Variants in UBE2S observed in about 807,000 individuals in gnomAD.
UBE2S encodes ubiquitin conjugating enzyme E2 S.
Under a neutral mutation model 12.3 loss-of-function variants are expected in UBE2S, and 3 were observed. The ratio of observed to expected loss-of-function variants is 0.24; its 90% confidence interval spans 0.11 to 0.63. UBE2S has a LOEUF of 0.63. Ranked by LOEUF, UBE2S falls within the 30% of genes least tolerant of loss-of-function variation. The pLI, the probability that UBE2S is intolerant of heterozygous loss-of-function variation, is 0.85. For missense variants in UBE2S, 211 were observed against 313.9 expected, an observed-to-expected ratio of 0.67 and a Z score of 2.48; for synonymous variants, 133 against 142.0, an observed-to-expected ratio of 0.94 and a Z score of 0.45.
intron 3 of UBE2S, chr19:55,402,855 C>G: frequency 8.9e-7 from 1 of 1,119,418 alleles, no homozygotes; most frequent in Non-Finnish European, 1.3e-6. Flanking sequence ...CCTCTCCCTC[C>G]CCATGGCAGG....
chr19:55,401,112 A>G lies in UBE2S; in HGVS notation c.*324T>C. ...GGGGTTGTGACCGCTCTACCTCCAC[A>G]GAACAAAGAGGTGGACCCAAACCTC... On this transcript the variant is annotated 3_prime_UTR_variant, in exon 4 of 4. Transcript: ENST00000264552. The G allele has an allele frequency of 2.6e-6, 1 of 389,066 alleles. No homozygotes were observed. Among genetic ancestry groups the G allele is most frequent in the South Asian group, 3.5e-5 (1 of 28,904 alleles). 24.1% of individuals were successfully genotyped at this position (389,066 alleles called of 1,614,324 possible).
In UBE2S at chr19:55,407,644, C is replaced by T; in HGVS notation, c.-55G>A. ...CGGCCCCCTTCCTGCGTTCTTCGGT[C>T]CGCCGGCCGGGGCGGGGGGCCCAAC... On this transcript the variant is annotated 5_prime_UTR_variant, in exon 1 of 4. Coordinates refer to ENST00000264552, the MANE Select transcript of UBE2S (RefSeq NM_014501.3). 5 of 1,302,894 alleles carry T rather than the reference C, an allele frequency of 3.8e-6. No homozygotes were observed. Among genetic ancestry groups the T allele is most frequent in the Non-Finnish European group, 4.9e-6 (5 of 1,022,040 alleles). The allele number at this position is 1,302,894 out of a possible 1,614,324, so 80.7% of individuals were successfully genotyped here.
chr19:55,405,588 C>T (rs541250817), intron 2 of UBE2S, among the ~76,000 whole-genome samples: 32 of 152,224 alleles, frequency 2.1e-4, no homozygotes, highest in Admixed American at 8.5e-4. Context: ...AGAGATGATG[C>T]CCATCTTGCA....
intron 1 of UBE2S, among the ~76,000 whole-genome samples, chr19:55,407,195 A>AC (rs113965331): frequency 0.056 from 6,450 of 115,150 alleles, 185 homozygotes; most frequent in African/African-American, 0.084. Context: ...CCACCCCAGA[A>AC]CCCCCCCCCC....
chr19:55,407,626 C>T lies in UBE2S; in HGVS notation c.-37G>A, dbSNP rs1275326714. ...GCCGGGGGCGGGTCCCCCCGGCCCC[C>T]TTCCTGCGTTCTTCGGTCCGCCGGC... On this transcript the variant is annotated 5_prime_UTR_variant, in exon 1 of 4. Transcript: ENST00000264552. The T allele has an allele frequency of 1.9e-5, 25 of 1,350,632 alleles. No individual in the cohort carries two copies. Among genetic ancestry groups the T allele is most frequent in the Non-Finnish European group, 2.4e-5 (25 of 1,052,500 alleles). The allele number at this position is 1,350,632 out of a possible 1,614,324, so 83.7% of individuals were successfully genotyped here.
In UBE2S at chr19:55,399,759, A is replaced by AT. The variant is rs2090044025; in HGVS notation, c.*1676dup. Reference sequence around the variant, plus strand: ...TCTGTCAGGGCTAAGGGCAAATATTATTTTTATTATGCACTTCGCTAAATT... The same window carrying AT: ...TCTGTCAGGGCTAAGGGCAAATATTATTTTTTATTATGCACTTCGCTAAATT... On this transcript the variant is annotated 3_prime_UTR_variant, in exon 4 of 4. Transcript: ENST00000264552. 1 of 152,142 alleles carries AT rather than the reference A, an allele frequency of 6.6e-6. No individual in the cohort carries two copies. Among genetic ancestry groups the AT allele is most frequent in the African/African-American group, 2.4e-5 (1 of 41,426 alleles). 9.4% of individuals were successfully genotyped at this position (152,142 alleles called of 1,614,324 possible).
chr19:55,407,461 C>T (rs2090103990), intron 1 of UBE2S, 126 bp downstream of exon 1: 1 of 1,091,766 alleles, frequency 9.2e-7, no homozygotes, highest in Non-Finnish European at 1.3e-6. Flanking sequence ...GGGCCCATCC[C>T]GGGTCAGGGA....
At chr19:55,406,985 G>A (rs768457508) in intron 1 of UBE2S, 23 bp from the exon 2 acceptor site, 1 of 1,610,902 alleles carries the variant, frequency 6.2e-7, no homozygotes, top group Non-Finnish European at 8.5e-7. Context: ...GGGAGAGCAG[G>A]GTGAGCGAGT....
rs111366064 is a variant in UBE2S at position 55,405,560 on chromosome 19, G to A, written c.152-1082C>T. ...TGGCTGGGTTCCTAGGGGGCCACAG[G>A]ACCTCCCCCAAAACCTCAGAGATGA... On this transcript the variant is annotated intron_variant, in intron 2 of 3. Coordinates refer to ENST00000264552, the MANE Select transcript of UBE2S (RefSeq NM_014501.3). Among the ~76,000 whole-genome samples, 423 of 151,508 alleles carry A rather than the reference G, an allele frequency of 2.8e-3. 5 individuals are homozygous for A. The highest frequency in any genetic ancestry group is 9.8e-3 in the African/African-American group (406 of 41,374).
chr19:55,403,505 A>C (rs1052412629), intron 3 of UBE2S, among the ~76,000 whole-genome samples: 22 of 123,356 alleles, frequency 1.8e-4, no homozygotes, highest in African/African-American at 8.3e-4. Context: ...AAAGAAAGAA[A>C]GGAAAGAAAG....
intron 2 of UBE2S, among the ~76,000 whole-genome samples, chr19:55,406,355 TCCGCAAATCATGTGAC>T (rs1393380396): frequency 4.6e-5 from 7 of 152,252 alleles, no homozygotes; most frequent in African/African-American, 1.7e-4. Flanking sequence ...TCTAAATCAC[TCCGCAAATCATGTGAC>T]CCGCAAATCA....
Position 55,400,209 on chromosome 19 carries a change from G to C in UBE2S, c.*1227C>G, listed in dbSNP as rs1185473924. On this transcript the variant is annotated 3_prime_UTR_variant, in exon 4 of 4. Transcript: ENST00000264552. ...TTGTAAATGTATTTTACTTTTTGTAGAGATGGGATCTCACTGTGTTGCCCA... is the reference window on the plus strand; with the variant it reads ...TTGTAAATGTATTTTACTTTTTGTACAGATGGGATCTCACTGTGTTGCCCA... 2.0e-5 allele frequency: 3 copies of C among 152,180 alleles called. No homozygotes were observed. Among genetic ancestry groups the C allele is most frequent in the Admixed American group, 1.3e-4 (2 of 15,280 alleles). The allele number at this position is 152,180 out of a possible 1,614,324, so 9.4% of individuals were successfully genotyped here.
rs534989565 is a variant in UBE2S, at chr19:55,405,848, G to A, written c.151+967C>T. On this transcript the variant is annotated intron_variant, in intron 2 of 3. Transcript: ENST00000264552. Reference sequence around the variant, plus strand: ...GGGTCAAAATACTGTCCCTCCCCTAGCCCATCAGCAGCCTGAGCACCGGCC... The same window carrying A: ...GGGTCAAAATACTGTCCCTCCCCTAACCCATCAGCAGCCTGAGCACCGGCC... 3.9e-5 allele frequency among the ~76,000 whole-genome samples: 6 copies of A among 152,186 alleles called. No homozygotes were observed. The East Asian group carries it at 1.2e-3, about 29-fold the overall frequency.
At chr19:55,403,142 TG>T in intron 3 of UBE2S, 1 of 749,710 alleles carries the variant, frequency 1.3e-6, no homozygotes, top group East Asian at 2.7e-5. Flanking sequence ...CAACCCTTTC[TG>T]GTCTCCTGAC....
intron 2 of UBE2S, among the ~76,000 whole-genome samples, chr19:55,405,238 G>A (rs1366585701): frequency 2.7e-5 from 4 of 147,646 alleles, no homozygotes; most frequent in South Asian, 2.1e-4. Context: ...AGCCAAGCGC[G>A]GTGCCTCACA....
Position 55,404,264 on chromosome 19 carries a change from G to GCCCAGC in UBE2S, c.342+18_342+23dup, listed in dbSNP as rs542393921. ...GACCTCCAGAGGCAGGAGGCAGGAG[G>GCCCAGC]CCCAGCCCCAGCCCAGAACTCACCA... On this transcript the variant is annotated intron_variant, in intron 3 of 3. Transcript: ENST00000264552. The surrounding 1 kb of genome is among the most constrained non-coding windows in gnomAD (Gnocchi z 4.4). 1.8e-4 allele frequency: 294 copies of GCCCAGC among 1,612,064 alleles called. 5 individuals carry two copies. The South Asian group carries it at 2.9e-3, about 16-fold the overall frequency.
chr19:55,407,114 G>C, intron 1 of UBE2S, 152 bp from the exon 2 acceptor site: 1 of 955,756 alleles, frequency 1.0e-6, no homozygotes, highest in Non-Finnish European at 1.5e-6. Context: ...GATGCTTCAG[G>C]CCATCAGCCC....
chr19:55,402,767 T>TGGGGA (rs1384346597), intron 3 of UBE2S, among the ~76,000 whole-genome samples: 1 of 152,030 alleles, frequency 6.6e-6, no homozygotes, highest in Non-Finnish European at 1.5e-5. Context: ...CCCAGCAGCC[T>TGGGGA]CCAATGACAC....
At chr19:55,401,795 G>A (rs545165832) in intron 3 of UBE2S, 33 bp from the exon 4 acceptor site, 30 of 1,611,176 alleles carry the variant, frequency 1.9e-5, no homozygotes, top group East Asian at 4.5e-5. Context: ...ACAGTGGGTC[G>A]GGCAACCTAC....
Sources: gnomAD v4.1 joint callset for allele counts (sites outside exome capture counted in the v4.1 genomes callset) on GRCh38, gnomAD v4.1.1 for gene constraint, Gnocchi (gnomAD v3.1) non-coding constraint, MANE v1.5 for transcripts, NCBI Gene and HGNC (gene_info 2026-07-23, HGNC 2026-07-21) for gene names.